PRDM10: variants seen among roughly 807,000 people sequenced by gnomAD.
PRDM10 encodes PR/SET domain 10.
Under a neutral mutation model 133.1 loss-of-function variants are expected in PRDM10, and 65 were observed. The observed-to-expected ratio is 0.49, with a 90% CI of 0.40 to 0.60. The LOEUF (loss-of-function observed/expected upper bound fraction) is 0.60, where lower values mean the gene tolerates loss of function less well. Among genes scored for constraint, PRDM10 ranks in the 20% least tolerant of loss-of-function variants. PRDM10 has a pLI of 0.00. For missense variants in PRDM10, 1,137 were observed against 1,507.1 expected (o/e 0.75, Z 4.07); for synonymous variants, 582 against 580.4 (o/e 1.00, Z -0.04).
At chr11:129,994,670 GA>G (rs1235172492) in intron 1 of PRDM10, among the ~76,000 whole-genome samples, 1 of 150,460 alleles carries the variant, frequency 6.6e-6, no homozygotes, top group African/African-American at 2.4e-5. Context: ...TCTTTTTTTT[GA>G]GACAGAGCCT....
intron 1 of PRDM10, among the ~76,000 whole-genome samples, chr11:129,971,005 G>A (rs1591676569): frequency 6.6e-6 from 1 of 152,044 alleles, no homozygotes; most frequent in African/African-American, 2.4e-5. Flanking sequence ...ATGAAGCCAC[G>A]TACCCTCGCG....
intron 1 of PRDM10, among the ~76,000 whole-genome samples, chr11:129,989,920 A>C (rs948433542): frequency 6.6e-5 from 10 of 152,150 alleles, no homozygotes; most frequent in African/African-American, 2.4e-4. Flanking sequence ...AAGAAAACTC[A>C]GGCCGGGCAC....
chr11:129,953,021 T>A (rs933386286), intron 4 of PRDM10, among the ~76,000 whole-genome samples: 1 of 152,132 alleles, frequency 6.6e-6, no homozygotes, highest in Non-Finnish European at 1.5e-5. Context: ...TCGCCCAAGC[T>A]GGAGTGCAAT....
chr11:129,942,627 A>C lies in PRDM10; in HGVS notation c.765T>G (p.Val255=), dbSNP rs751008373. Residue 255 remains valine (V), a splice_region_variant and synonymous_variant, in exon 7 of 21, where the codon GTT becomes GTG. Coordinates refer to ENST00000360871, the MANE Select transcript of PRDM10 (RefSeq NM_199437.2). The part of the protein sequence containing the change: ...ELKDCYIHLK[V]SLDKGDRKER... ...CTTTCCTGTCCCCTTTATCAAGAGA[A>C]ACCTGCACGAAAAAAAAGCCACACC... 1 of 1,604,600 alleles carries C rather than the reference A, an allele frequency of 6.2e-7. No individual in the cohort carries two copies. Among genetic ancestry groups the C allele is most frequent in the Non-Finnish European group, 8.5e-7 (1 of 1,176,918 alleles).
In PRDM10 at chr11:129,925,967, T is replaced by G. The variant is rs142545703; in HGVS notation, c.1531-738A>C. Among the ~76,000 whole-genome samples the G allele has an allele frequency of 8.2e-4, 125 of 152,342 alleles. No individual in the cohort carries two copies. The Middle Eastern group carries it at 0.01, about 12-fold the overall frequency. ...GATTCAGATTTATGTGAATGGGACA[T>G]GAGCACATGTCGTAAATGGAATATA... On this transcript the variant is annotated intron_variant, in intron 11 of 20. Transcript: ENST00000360871.
chr11:129,903,789 G>A (rs963693191), intron 20 of PRDM10, among the ~76,000 whole-genome samples: 28 of 152,106 alleles, frequency 1.8e-4, no homozygotes, highest in Admixed American at 3.9e-4. Flanking sequence ...GTTTTTCCAC[G>A]TGGGGAGGGG....
chr11:129,936,424 C>A (rs1285204856), intron 8 of PRDM10, among the ~76,000 whole-genome samples: 1 of 152,054 alleles, frequency 6.6e-6, no homozygotes, highest in Admixed American at 6.5e-5. Context: ...GAGGCCGAGG[C>A]AGGCAGATCA....
At chr11:129,926,262 C>G (rs1591607859) in intron 11 of PRDM10, among the ~76,000 whole-genome samples, 1 of 152,324 alleles carries the variant, frequency 6.6e-6, no homozygotes, top group East Asian at 1.9e-4. Flanking sequence ...AAAATCTACT[C>G]ATGCTCTACT....
intron 9 of PRDM10, among the ~76,000 whole-genome samples, chr11:129,934,762 ATT>A (rs1950974576): frequency 6.6e-6 from 1 of 152,212 alleles, no homozygotes; most frequent in African/African-American, 2.4e-5. Flanking sequence ...TGATTAAGTA[ATT>A]GTACTGCTGA....
In PRDM10 at chr11:129,963,855, C is replaced by T. The variant is rs574135508; in HGVS notation, c.-118-2773G>A. Among the ~76,000 whole-genome samples, 48 of 152,180 alleles carry T rather than the reference C, an allele frequency of 3.2e-4. No homozygotes were observed. The South Asian group carries it at 7.5e-3, about 24-fold the overall frequency. On this transcript the variant is annotated intron_variant, in intron 1 of 20. Transcript: ENST00000360871. ...TAATGAATGTCCTTTAAAAAGAATA[C>T]GACATTTTTTCTCCTGGCCTGGGAT...
At position 129,931,206 on chromosome 11, in the gene PRDM10, G is replaced by C. The variant is rs765617894; in HGVS notation, c.1340C>G (p.Thr447Ser). ...KEQFDEAEPA[T>S]LNGLDQPEQT... ...TTCTGGTTGATCCAGCCCATTCAGAGTGGCTGGTTCAGCCTCATCAAATTG... is the reference window on the plus strand; with the variant it reads ...TTCTGGTTGATCCAGCCCATTCAGACTGGCTGGTTCAGCCTCATCAAATTG... The change falls in exon 11 of 21, where the codon ACT (threonine) becomes AGT (serine). Residue 447 changes from threonine (T) to serine (S), a missense_variant. By Grantham distance (58) the Thr-to-Ser change is moderately conservative. Around this residue, in one of 6 missense-constraint regions of PRDM10, gnomAD observed 635 missense variants for 835.2 expected, o/e 0.76. Transcript: ENST00000360871. The C allele has an allele frequency of 6.2e-7, 1 of 1,614,148 alleles. No individual in the cohort carries two copies. Among genetic ancestry groups the C allele is most frequent in the Non-Finnish European group, 8.5e-7 (1 of 1,179,966 alleles).
At chr11:129,934,552 CA>C (rs896855392) in intron 9 of PRDM10, among the ~76,000 whole-genome samples, 18 of 147,806 alleles carry the variant, frequency 1.2e-4, no homozygotes, top group South Asian at 6.4e-4. Flanking sequence ...AAATGGTTTT[CA>C]AAAAAAAAAT....
chr11:129,924,969 A>C lies in PRDM10; in HGVS notation c.1791T>G (p.Asp597Glu), dbSNP rs1170052458. 2 of 1,614,236 alleles carry C rather than the reference A, an allele frequency of 1.2e-6. No individual in the cohort carries two copies. The highest frequency in any genetic ancestry group is 2.2e-5 in the South Asian group (2 of 91,088). Residue 597 changes from aspartate to glutamate, a missense_variant, in exon 12 of 21, where the codon GAT becomes GAG. Asp to Glu is a conservative substitution (Grantham distance 45, BLOSUM62 2). This residue lies in a region of PRDM10 where 635 missense variants were observed against 835.2 expected (regional missense o/e 0.76). Transcript: ENST00000360871. ...GAATGGCCACATGATCTTTCAACAA[A>C]TCAAGGCGGTCAAAGGATTCTGGGC... is the stretch of plus-strand genomic sequence containing the variant. ...IFCPESFDRL[D>E]LLKDHVAIHI...
intron 1 of PRDM10, among the ~76,000 whole-genome samples, chr11:129,979,492 T>C (rs923995025): frequency 6.6e-6 from 1 of 152,112 alleles, no homozygotes; most frequent in African/African-American, 2.4e-5. Flanking sequence ...CTCCAGGGTG[T>C]GACCTTCCAG....
chr11:130,002,012 C>T (rs892025011), intron 1 of PRDM10, among the ~76,000 whole-genome samples: 9 of 151,792 alleles, frequency 5.9e-5, no homozygotes, highest in Admixed American at 5.2e-4. Context: ...GGGGCCCAGC[C>T]ATCGATGGCA....
In PRDM10 at chr11:129,971,194, A is replaced by G. The variant is rs192132270; in HGVS notation, c.-118-10112T>C. 2.6e-5 allele frequency among the ~76,000 whole-genome samples: 4 copies of G among 152,298 alleles called. No individual in the cohort carries two copies. In the East Asian group the frequency reaches 7.7e-4, roughly 29 times the overall value. On this transcript the variant is annotated intron_variant, in intron 1 of 20. Transcript: ENST00000360871. ...GCAGTGTGAACCCAGAAAGAGCAGTAGCAAAATATATTGCAAAGAGCAAAA... is the reference window on the plus strand; with the variant it reads ...GCAGTGTGAACCCAGAAAGAGCAGTGGCAAAATATATTGCAAAGAGCAAAA...
rs147342906 is a variant in PRDM10, at chr11:130,000,236, C to T, written c.-119+2486G>A. Among the ~76,000 whole-genome samples the T allele has an allele frequency of 8.7e-3, 1,320 of 152,034 alleles. 20 individuals are homozygous for T. The highest frequency in any genetic ancestry group is 0.03 in the African/African-American group (1,240 of 41,474). On this transcript the variant is annotated intron_variant, in intron 1 of 20. Coordinates refer to ENST00000360871, the MANE Select transcript of PRDM10 (RefSeq NM_199437.2). ...TTTTTGTATTTTTAGTAGAGACAGG[C>T]TTTCACCATGTTGGCCAGGCTAGTC...
At chr11:129,912,977 T>C (rs1950237109) in intron 17 of PRDM10, among the ~76,000 whole-genome samples, 1 of 147,896 alleles carries the variant, frequency 6.8e-6, no homozygotes. Flanking sequence ...GAAGAATCAC[T>C]TGAACCTGGG....
At chr11:129,926,799 G>T (rs1950691898) in intron 11 of PRDM10, among the ~76,000 whole-genome samples, 1 of 152,140 alleles carries the variant, frequency 6.6e-6, no homozygotes, top group Non-Finnish European at 1.5e-5. Flanking sequence ...AAATTGCTTA[G>T]CTTATAGGAA....
Sources: gnomAD v4.1 joint callset for allele counts (sites outside exome capture counted in the v4.1 genomes callset) on GRCh38, gnomAD v4.1.1 for gene constraint, gnomAD v4.1.1 regional missense constraint, MANE v1.5 for transcripts, NCBI Gene and HGNC (gene_info 2026-07-23, HGNC 2026-07-21) for gene names.